The following RIMS2 variants were observed in gnomAD, a reference collection of about 807,000 sequenced individuals.
The protein encoded by RIMS2 is regulating synaptic membrane exocytosis 2.
In RIMS2, 59 loss-of-function variants were observed where a neutral mutation model predicts 174.4. That is an observed-to-expected ratio of 0.34 (90% CI 0.27 to 0.42). RIMS2 has a LOEUF of 0.42. RIMS2 is among the 10% of genes least tolerant of loss of function. The probability of loss-of-function intolerance (pLI) is 1.00; values close to 1 mark genes in which losing one functional copy is unlikely to be tolerated. For missense variants in RIMS2, 1,620 were observed against 1,666.3 expected (o/e 0.97, Z 0.48); for synonymous variants, 606 against 572.5 (o/e 1.06, Z -0.84).
At chr8:103,697,413 T>G in intron 2 of RIMS2, 117 bp downstream of exon 4, 1 of 842,390 alleles carries the variant, frequency 1.2e-6, no homozygotes, top group Middle Eastern at 2.9e-4. Flanking sequence ...GCAAAAACAT[T>G]TTAAAATGCT....
intron 2 of RIMS2, among the ~76,000 whole-genome samples, chr8:103,705,758 A>G (rs1204255679): frequency 6.6e-6 from 1 of 151,370 alleles, no homozygotes; most frequent in Non-Finnish European, 1.5e-5. Context: ...TTTGTTTTCT[A>G]CTTACATGGA....
chr8:103,751,161 A>T (rs1412179538), intron 2 of RIMS2, among the ~76,000 whole-genome samples: 1 of 151,886 alleles, frequency 6.6e-6, no homozygotes. Flanking sequence ...AAATTGCCCC[A>T]TCTCAGTTCC....
chr8:103,995,218 G>A (rs2095006280), intron 17 of RIMS2, among the ~76,000 whole-genome samples: 1 of 151,972 alleles, frequency 6.6e-6, no homozygotes. Flanking sequence ...TTACTTTTTA[G>A]TGCAATCCAA....
chr8:103,983,578 C>G (rs1163589392), intron 16 of RIMS2, among the ~76,000 whole-genome samples: 1 of 152,066 alleles, frequency 6.6e-6, no homozygotes, highest in Non-Finnish European at 1.5e-5. Flanking sequence ...CAATAGAGAA[C>G]CCAGAAACAA....
chr8:104,245,273 T>A (rs898833716), intron 20 of RIMS2, among the ~76,000 whole-genome samples: 2 of 152,234 alleles, frequency 1.3e-5, no homozygotes, highest in Non-Finnish European at 2.9e-5. Context: ...ATAAAGTGTT[T>A]TGCCTTAATG....
intron 1 of RIMS2, among the ~76,000 whole-genome samples, chr8:103,605,537 C>G (rs1416870092): frequency 2.0e-5 from 3 of 151,412 alleles, no homozygotes; most frequent in Non-Finnish European, 2.9e-5. Context: ...GGAGGATTCC[C>G]TCTTTTTCTA....
intron 17 of RIMS2, among the ~76,000 whole-genome samples, chr8:104,001,141 A>C (rs1000056902): frequency 1.3e-5 from 2 of 151,782 alleles, no homozygotes; most frequent in African/African-American, 4.8e-5. Flanking sequence ...TCTTTGCTAG[A>C]TAGAAGGAAT....
intron 1 of RIMS2, among the ~76,000 whole-genome samples, chr8:103,627,956 A>C (rs1175640651): frequency 1.3e-5 from 2 of 152,196 alleles, no homozygotes. Context: ...TGGGTGGTGA[A>C]TTTACAACTC....
rs1384971579 is a variant in RIMS2, at chr8:104,167,469, A to G, written c.3335-77447A>G. Among the ~76,000 whole-genome samples the G allele has an allele frequency of 5.9e-5, 9 of 152,108 alleles. No homozygotes were observed. The South Asian group carries it at 8.3e-4, about 14-fold the overall frequency. ...TTTCATATGTTTGCTGGCTATTTGT[A>G]TATCCTTTTTTGATAATTGTCTATG... On this transcript the variant is annotated intron_variant, in intron 19 of 23. Transcript: ENST00000504942.
chr8:103,702,805 T>A (rs2137541249), intron 2 of RIMS2, among the ~76,000 whole-genome samples: 1 of 151,996 alleles, frequency 6.6e-6, no homozygotes, highest in South Asian at 2.1e-4. Context: ...TTGGTTACTC[T>A]AGCTTTATAG....
At chr8:103,959,515 T>C (rs1000910244) in intron 14 of RIMS2, among the ~76,000 whole-genome samples, 2 of 152,046 alleles carry the variant, frequency 1.3e-5, no homozygotes, top group Admixed American at 1.3e-4. Context: ...CTCCGCCTCC[T>C]GCCTCAACCT....
chr8:104,077,978 A>G (rs1172821918), intron 19 of RIMS2, among the ~76,000 whole-genome samples: 8 of 151,716 alleles, frequency 5.3e-5, no homozygotes, highest in Non-Finnish European at 1.0e-4. Flanking sequence ...CCCCATCTCT[A>G]CTAAAAATAC....
intron 19 of RIMS2, 82 bp from the exon 25 acceptor site, chr8:104,148,525 T>C: frequency 8.1e-7 from 1 of 1,236,884 alleles, no homozygotes; most frequent in Non-Finnish European, 1.1e-6. Context: ...TTAATTATAC[T>C]CCAAATGTTT....
At chr8:103,989,624 AAAAC>A (rs1414546395) in intron 17 of RIMS2, among the ~76,000 whole-genome samples, 3 of 152,204 alleles carry the variant, frequency 2.0e-5, no homozygotes, top group Non-Finnish European at 4.4e-5. Flanking sequence ...TGGTAAGAAA[AAAAC>A]AAAATTATCT....
intron 3 of RIMS2, among the ~76,000 whole-genome samples, chr8:103,861,120 A>AC (rs1395384523): frequency 1.1e-4 from 16 of 143,754 alleles, no homozygotes; most frequent in African/African-American, 3.3e-4. Flanking sequence ...TTCAGGCCTC[A>AC]CCCCCCTCCT....
intron 3 of RIMS2, among the ~76,000 whole-genome samples, chr8:103,819,935 C>T (rs1282320025): frequency 6.6e-6 from 1 of 151,864 alleles, no homozygotes; most frequent in Non-Finnish European, 1.5e-5. Context: ...TAGATGTTTT[C>T]TTTGTGATCA....
chr8:103,549,019 A>G lies in RIMS2; in HGVS notation c.176+47957A>G, dbSNP rs1479283692. 2.6e-5 allele frequency among the ~76,000 whole-genome samples: 4 copies of G among 152,200 alleles called. No homozygotes were observed. In the East Asian group the frequency reaches 7.7e-4, roughly 29 times the overall value. The stretch of plus-strand genomic sequence containing the variant: ...AAAACATTGCTCAAAGAAATCAGAG[A>G]TACCACAGACAAATGGAAAAACATT... On this transcript the variant is annotated intron_variant, in intron 1 of 23. Transcript: ENST00000504942.
intron 3 of RIMS2, among the ~76,000 whole-genome samples, chr8:103,832,052 C>G (rs1178388186): frequency 6.6e-6 from 1 of 152,108 alleles, no homozygotes. Flanking sequence ...GAAAAATGCT[C>G]CTGTTACAAA....
At chr8:103,615,073 C>T (rs1015775412) in intron 1 of RIMS2, among the ~76,000 whole-genome samples, 1 of 152,068 alleles carries the variant, frequency 6.6e-6, no homozygotes, top group African/African-American at 2.4e-5. Context: ...CTATAATTAG[C>T]ATAATAAAGA....
Sources: allele counts gnomAD v4.1 joint callset (sites outside exome capture counted in the v4.1 genomes callset), GRCh38; gene constraint gnomAD v4.1.1; transcripts MANE v1.5; gene names NCBI Gene and HGNC (gene_info 2026-07-23, HGNC 2026-07-21).